Variants in FNDC3B observed in about 807,000 individuals in gnomAD.
FNDC3B encodes fibronectin type III domain containing 3B.
In FNDC3B, 12 loss-of-function variants were observed where a neutral mutation model predicts 151.5. That is an observed-to-expected ratio of 0.08 (90% CI 0.05 to 0.13). FNDC3B has a LOEUF of 0.13. Among genes scored for constraint, FNDC3B ranks in the 10% least tolerant of loss-of-function variants. The probability of loss-of-function intolerance (pLI) is 1.00; values close to 1 mark genes in which losing one functional copy is unlikely to be tolerated. For missense variants in FNDC3B, 1,214 were observed against 1,505.3 expected (o/e 0.81, Z 3.20); for synonymous variants, 528 against 549.0 (o/e 0.96, Z 0.54).
chr3:172,208,324 C>T (rs978785095), intron 3 of FNDC3B, among the ~76,000 whole-genome samples: 1 of 152,104 alleles, frequency 6.6e-6, no homozygotes, highest in Non-Finnish European at 1.5e-5. Context: ...ATTAGGTGGA[C>T]ATGCTGTGTA....
chr3:172,115,828 G>A (rs971110188), intron 2 of FNDC3B, among the ~76,000 whole-genome samples: 2 of 152,184 alleles, frequency 1.3e-5, no homozygotes, highest in Admixed American at 1.3e-4. Flanking sequence ...TACCTTGTAT[G>A]TATTTACAGC....
At chr3:172,334,425 C>T (rs144074532) in intron 14 of FNDC3B, among the ~76,000 whole-genome samples, 1 of 150,920 alleles carries the variant, frequency 6.6e-6, no homozygotes, top group East Asian at 2.0e-4. Context: ...CTTTAAAACC[C>T]ATCTTATCAT....
chr3:172,323,877 G>A (rs1013708653), intron 11 of FNDC3B, among the ~76,000 whole-genome samples: 1 of 152,158 alleles, frequency 6.6e-6, no homozygotes, highest in Non-Finnish European at 1.5e-5. Flanking sequence ...TGAGGATGAG[G>A]ATGAAGCAAA....
intron 25 of FNDC3B, among the ~76,000 whole-genome samples, chr3:172,389,570 A>G (rs980243789): frequency 3.3e-5 from 5 of 152,218 alleles, no homozygotes; most frequent in African/African-American, 1.2e-4. Context: ...ACATATTAGA[A>G]AAACTGTTCA....
At chr3:172,311,836 C>T (rs1410211820) in intron 11 of FNDC3B, among the ~76,000 whole-genome samples, 2 of 151,290 alleles carry the variant, frequency 1.3e-5, no homozygotes, top group Admixed American at 1.3e-4. Context: ...CGAGATCGCA[C>T]CACTGCACTC....
chr3:172,110,246 C>T (rs781360412), intron 1 of FNDC3B, among the ~76,000 whole-genome samples: 1 of 152,140 alleles, frequency 6.6e-6, no homozygotes, highest in Non-Finnish European at 1.5e-5. Context: ...TCTTCTCTTA[C>T]TCAGTTCAAC....
intron 1 of FNDC3B, among the ~76,000 whole-genome samples, chr3:172,051,691 G>A (rs1156891342): frequency 1.3e-5 from 2 of 152,078 alleles, no homozygotes; most frequent in African/African-American, 2.4e-5. Context: ...TATATTTGAG[G>A]CATTTTTGTG....
intron 4 of FNDC3B, among the ~76,000 whole-genome samples, chr3:172,244,017 A>G (rs1727641367): frequency 6.6e-6 from 1 of 152,220 alleles, no homozygotes; most frequent in Non-Finnish European, 1.5e-5. Context: ...AAGAATATTT[A>G]TTCTGATTTC....
chr3:172,147,623 G>C (rs1343022489), intron 3 of FNDC3B, among the ~76,000 whole-genome samples: 1 of 152,132 alleles, frequency 6.6e-6, no homozygotes, highest in Non-Finnish European at 1.5e-5. Context: ...GAATCACCTG[G>C]AGGGCCTGTT....
chr3:172,327,404 G>T (rs947290441), intron 11 of FNDC3B, among the ~76,000 whole-genome samples: 1 of 151,804 alleles, frequency 6.6e-6, no homozygotes, highest in African/African-American at 2.4e-5. Flanking sequence ...TTTTTGGGGG[G>T]CGGGGCGGGG....
At chr3:172,276,935 T>A (rs1013566338) in intron 6 of FNDC3B, among the ~76,000 whole-genome samples, 2 of 152,132 alleles carry the variant, frequency 1.3e-5, no homozygotes, top group Non-Finnish European at 2.9e-5. Flanking sequence ...AGAAAAAAAA[T>A]TAAAGATGTT....
chr3:172,181,527 G>A (rs1408447270), intron 3 of FNDC3B, among the ~76,000 whole-genome samples: 2 of 150,748 alleles, frequency 1.3e-5, no homozygotes, highest in Non-Finnish European at 1.5e-5. Context: ...GAGGAGGGAA[G>A]TAATTAAGAT....
At chr3:172,281,211 ATTTATATT>A (rs1305397770) in intron 6 of FNDC3B, among the ~76,000 whole-genome samples, 32 of 135,020 alleles carry the variant, frequency 2.4e-4, no homozygotes, top group African/African-American at 8.4e-4. Context: ...TATTATTATT[ATTTATATT>A]TATTTATTTA....
intron 4 of FNDC3B, chr3:172,227,393 G>A (rs371943595): frequency 6.5e-6 from 1 of 153,542 alleles, no homozygotes; most frequent in Non-Finnish European, 1.4e-5. Context: ...GCAAAAGCTA[G>A]GCTTGGTGAG....
At chr3:172,223,385 C>T (rs1203837902) in intron 3 of FNDC3B, among the ~76,000 whole-genome samples, 1 of 152,110 alleles carries the variant, frequency 6.6e-6, no homozygotes, top group Non-Finnish European at 1.5e-5. Context: ...TTTAAATGTC[C>T]TTTGAAATAG....
chr3:172,320,801 T>A (rs781349351), intron 11 of FNDC3B, among the ~76,000 whole-genome samples: 6 of 152,202 alleles, frequency 3.9e-5, no homozygotes, highest in Non-Finnish European at 8.8e-5. Context: ...CCATGAGTTG[T>A]GTTCCTTAAT....
At chr3:172,370,520 C>T (rs1734834490) in intron 23 of FNDC3B, among the ~76,000 whole-genome samples, 1 of 152,170 alleles carries the variant, frequency 6.6e-6, no homozygotes, top group South Asian at 2.1e-4. Context: ...AATAAGAAGT[C>T]ATAGAATTTA....
chr3:172,073,598 A>C (rs1379774322), intron 1 of FNDC3B, among the ~76,000 whole-genome samples: 2 of 152,202 alleles, frequency 1.3e-5, no homozygotes, highest in Non-Finnish European at 2.9e-5. Flanking sequence ...TGTGAAATAA[A>C]AGGTAGTTGT....
chr3:172,206,684 A>AAAAAAAAG (rs1553772985), intron 3 of FNDC3B, among the ~76,000 whole-genome samples: 1 of 139,454 alleles, frequency 7.2e-6, no homozygotes, highest in African/African-American at 2.8e-5. Context: ...AAAAAAAAAA[A>AAAAAAAAG]AAAGTATATT....
Sources: gnomAD v4.1 joint callset for allele counts (sites outside exome capture counted in the v4.1 genomes callset) on GRCh38, gnomAD v4.1.1 for gene constraint, MANE v1.5 for transcripts, NCBI Gene and HGNC (gene_info 2026-07-23, HGNC 2026-07-21) for gene names.